The following GALNT14 variants were observed in gnomAD, a reference collection of about 807,000 sequenced individuals.
GALNT14 encodes the protein polypeptide N-acetylgalactosaminyltransferase 14.
A neutral mutation model predicts 77.5 loss-of-function variants in GALNT14; 60 were observed. The observed-to-expected ratio is 0.77, with a 90% CI of 0.63 to 0.96. The LOEUF is 0.96. Ranked by LOEUF, GALNT14 falls within the 40% of genes least tolerant of loss-of-function variation. The pLI is 0.00. For synonymous variants in GALNT14, 280 were observed against 281.7 expected (o/e 0.99, Z 0.06); for missense variants, 710 against 731.0 (o/e 0.97, Z 0.33).
At chr2:31,053,150 A>G (rs1267864101) in intron 1 of GALNT14, among the ~76,000 whole-genome samples, 1 of 152,040 alleles carries the variant, frequency 6.6e-6, no homozygotes, top group African/African-American at 2.4e-5. Context: ...CATTTTTTGG[A>G]CCTATATGCC....
chr2:30,936,299 G>A (rs1666055687), intron 9 of GALNT14, among the ~76,000 whole-genome samples: 1 of 152,056 alleles, frequency 6.6e-6, no homozygotes, highest in Admixed American at 6.5e-5. Context: ...TGGTGGGCAG[G>A]AATTCAGGGG....
intron 13 of GALNT14, 87 bp downstream of exon 13, chr2:30,924,032 T>C (rs530417625): frequency 4.8e-6 from 7 of 1,447,624 alleles, no homozygotes; most frequent in African/African-American, 1.4e-5. Flanking sequence ...TCTGATGTCA[T>C]GTAAGAGCAG....
intron 2 of GALNT14, among the ~76,000 whole-genome samples, chr2:30,983,600 C>CA: frequency 6.6e-6 from 1 of 152,280 alleles, no homozygotes; most frequent in East Asian, 1.9e-4. Flanking sequence ...GTTACCTGCC[C>CA]ACAGGCATTT....
chr2:30,940,668 A>C (rs773047136), intron 9 of GALNT14, among the ~76,000 whole-genome samples: 3 of 152,246 alleles, frequency 2.0e-5, no homozygotes, highest in African/African-American at 7.2e-5. Context: ...TTGTCAAGAC[A>C]TAAAAATGGG....
intron 6 of GALNT14, among the ~76,000 whole-genome samples, chr2:30,954,236 A>G (rs1667219703): frequency 6.6e-6 from 1 of 152,262 alleles, no homozygotes; most frequent in South Asian, 2.1e-4. Context: ...TGCAGAAGAG[A>G]GCATGGAGGG....
intron 1 of GALNT14, among the ~76,000 whole-genome samples, chr2:31,045,709 C>T (rs900593600): frequency 1.3e-5 from 2 of 152,102 alleles, no homozygotes; most frequent in Non-Finnish European, 2.9e-5. Flanking sequence ...GTGATCTGCC[C>T]GCCTCAGCCT....
intron 1 of GALNT14, among the ~76,000 whole-genome samples, chr2:31,122,912 T>C (rs960855557): frequency 3.3e-5 from 5 of 152,218 alleles, no homozygotes; most frequent in African/African-American, 9.6e-5. Flanking sequence ...CCGGGTGCTG[T>C]GGCTTACGCC....
Position 31,061,623 on chromosome 2 carries a change from C to T in GALNT14, c.130-68616G>A, listed in dbSNP as rs1197008511. Among the ~76,000 whole-genome samples the T allele has an allele frequency of 2.0e-5, 3 of 152,156 alleles. No individual in the cohort carries two copies. In the East Asian group the frequency reaches 5.8e-4, roughly 29 times the overall value. On this transcript the variant is annotated intron_variant, in intron 1 of 14. Transcript: ENST00000349752. ...CATATGCCCTTTCCCACTTGGTCTCCAAACTCTCTGACCACTATCACCTCC... is the reference window on the plus strand; with the variant it reads ...CATATGCCCTTTCCCACTTGGTCTCTAAACTCTCTGACCACTATCACCTCC...
At chr2:31,005,899 C>T (rs781696343) in intron 1 of GALNT14, among the ~76,000 whole-genome samples, 4 of 152,208 alleles carry the variant, frequency 2.6e-5, no homozygotes, top group Non-Finnish European at 5.9e-5. Flanking sequence ...GAGCTTTGTG[C>T]TAACTTGCTT....
At chr2:30,908,931 C>G (rs1056998090), downstream of GALNT14, among the ~76,000 whole-genome samples, 22 of 151,018 alleles carry the variant, frequency 1.5e-4, no homozygotes, top group Non-Finnish European at 2.8e-4. Context: ...TGATCTTTGA[C>G]AAACCTGAGA....
intron 4 of GALNT14, among the ~76,000 whole-genome samples, chr2:30,956,807 C>T (rs1667401448): frequency 6.6e-6 from 1 of 152,184 alleles, no homozygotes; most frequent in Non-Finnish European, 1.5e-5. Context: ...GTGCCCGTTC[C>T]CCATTTCTCT....
chr2:31,137,836 T>C, intron 1 of GALNT14, 122 bp downstream of exon 1: 1 of 1,301,498 alleles, frequency 7.7e-7, no homozygotes, highest in South Asian at 1.5e-5. Context: ...CCGGCGGCTG[T>C]TACCTGCTCG....
At chr2:30,978,654 G>GAGC (rs1272781765) in intron 2 of GALNT14, among the ~76,000 whole-genome samples, 133 of 152,228 alleles carry the variant, frequency 8.7e-4, no homozygotes, top group African/African-American at 3.1e-3. Flanking sequence ...CTCGCTCACC[G>GAGC]GCACCTGCAC....
chr2:31,085,527 A>G (rs756673323), intron 1 of GALNT14, among the ~76,000 whole-genome samples: 5 of 152,232 alleles, frequency 3.3e-5, no homozygotes, highest in Non-Finnish European at 5.9e-5. Flanking sequence ...TTCTGCTGCA[A>G]CCTGGCCTGG....
intron 1 of GALNT14, among the ~76,000 whole-genome samples, chr2:31,013,097 A>C (rs1671137893): frequency 1.3e-5 from 2 of 152,216 alleles, no homozygotes; most frequent in South Asian, 4.1e-4. Flanking sequence ...ACTCTTGAGC[A>C]GTGGGACCTT....
intron 1 of GALNT14, among the ~76,000 whole-genome samples, chr2:31,000,899 A>G (rs1225465078): frequency 6.6e-6 from 1 of 152,208 alleles, no homozygotes; most frequent in Non-Finnish European, 1.5e-5. Flanking sequence ...AGTGAGGGGT[A>G]CCTAAAGTGA....
chr2:31,024,910 G>A (rs1671946766), intron 1 of GALNT14, among the ~76,000 whole-genome samples: 1 of 152,168 alleles, frequency 6.6e-6, no homozygotes, highest in South Asian at 2.1e-4. Context: ...GCAGGCTAGT[G>A]GGATGGCATA....
At chr2:31,114,322 T>C (rs1171754696) in intron 1 of GALNT14, among the ~76,000 whole-genome samples, 1 of 147,204 alleles carries the variant, frequency 6.8e-6, no homozygotes, top group African/African-American at 2.5e-5. Flanking sequence ...GCTGGAGACA[T>C]GAGCAAACAA....
intron 1 of GALNT14, among the ~76,000 whole-genome samples, chr2:31,057,391 T>TACACAC (rs1558533089): frequency 1.9e-3 from 274 of 141,600 alleles, no homozygotes; most frequent in African/African-American, 7.0e-3. Context: ...TATATATATA[T>TACACAC]ATACACAGCT....
Sources: allele counts gnomAD v4.1 joint callset (sites outside exome capture counted in the v4.1 genomes callset), GRCh38; gene constraint gnomAD v4.1.1; transcripts MANE v1.5; gene names NCBI Gene and HGNC (gene_info 2026-07-23, HGNC 2026-07-21).